The following WWOX variants were observed in gnomAD, a reference collection of about 807,000 sequenced individuals.
The protein encoded by WWOX is WW domain-containing oxidoreductase.
In WWOX, 69 loss-of-function variants were observed where a neutral mutation model predicts 46.2. The ratio of observed to expected loss-of-function variants is 1.49; its 90% CI spans 1.23 to 1.82. WWOX has a LOEUF of 1.82. WWOX is among the 40% of genes most tolerant of loss of function. The pLI is 0.00. For missense variants in WWOX, 919 were observed against 542.6 expected (o/e 1.69, Z -6.89); for synonymous variants, 359 against 202.6 (o/e 1.77, Z -6.56).
At chr16:78,106,012 G>C (rs1361405584) in intron 1 of WWOX, among the ~76,000 whole-genome samples, 3 of 152,096 alleles carry the variant, frequency 2.0e-5, no homozygotes, top group Non-Finnish European at 4.4e-5. Flanking sequence ...ATGTTGCCTA[G>C]GCTGGTCTCG....
At chr16:79,137,880 A>C (rs890092891) in intron 8 of WWOX, among the ~76,000 whole-genome samples, 27 of 152,176 alleles carry the variant, frequency 1.8e-4, no homozygotes, top group African/African-American at 6.0e-4. Context: ...ACACAAGACC[A>C]AAGTTAGGGG....
intron 5 of WWOX, among the ~76,000 whole-genome samples, chr16:78,381,471 G>A (rs1378549287): frequency 1.3e-5 from 2 of 152,224 alleles, no homozygotes; most frequent in Admixed American, 1.3e-4. Context: ...TGGATGTTGG[G>A]AGCAAGTGGG....
At chr16:78,952,926 T>G (rs374131712) in intron 8 of WWOX, among the ~76,000 whole-genome samples, 1 of 152,132 alleles carries the variant, frequency 6.6e-6, no homozygotes, top group South Asian at 2.1e-4. Context: ...AACCTGAAGC[T>G]GGCTCAGAAG....
rs151016748 is a variant in WWOX at position 78,482,598 on chromosome 16, A to G, written c.1056+49846A>G. Among the ~76,000 whole-genome samples the G allele has an allele frequency of 4.7e-3, 718 of 152,268 alleles. 5 individuals are homozygous for G. The highest frequency in any genetic ancestry group is 0.01 in the Middle Eastern group (3 of 294). On this transcript the variant is annotated intron_variant, in intron 8 of 8. Coordinates refer to ENST00000566780, the MANE Select transcript of WWOX (RefSeq NM_016373.4). The stretch of plus-strand genomic sequence containing the variant: ...CTGGGCCCTGTGCTAAGTGCTTTGC[A>G]TGTGATTTCTAATTTCCTGACCATT...
chr16:78,862,683 G>A (rs1458027754), intron 8 of WWOX, among the ~76,000 whole-genome samples: 2 of 152,098 alleles, frequency 1.3e-5, no homozygotes, highest in South Asian at 2.1e-4. Flanking sequence ...CTGAGTCCAA[G>A]GGCAGGAGAA....
At chr16:78,611,894 G>T (rs1179773913) in intron 8 of WWOX, among the ~76,000 whole-genome samples, 1 of 152,184 alleles carries the variant, frequency 6.6e-6, no homozygotes, top group Non-Finnish European at 1.5e-5. Context: ...CATTCCATTG[G>T]CTGAAGCAAA....
At chr16:78,353,780 G>A (rs950288379) in intron 5 of WWOX, among the ~76,000 whole-genome samples, 1 of 57,342 alleles carries the variant, frequency 1.7e-5, no homozygotes, top group Non-Finnish European at 5.7e-5. Context: ...ATCACCTGCA[G>A]GCAGGATCTG....
At chr16:78,556,408 T>G (rs1407346946) in intron 8 of WWOX, among the ~76,000 whole-genome samples, 1 of 152,164 alleles carries the variant, frequency 6.6e-6, no homozygotes, top group East Asian at 1.9e-4. Flanking sequence ...AGCAGAGTTC[T>G]TCTGGTCTCA....
chr16:79,096,331 T>C (rs1397761578), intron 8 of WWOX, among the ~76,000 whole-genome samples: 1 of 152,164 alleles, frequency 6.6e-6, no homozygotes, highest in Non-Finnish European at 1.5e-5. Context: ...GTGCAAGCCA[T>C]GCTCTCGAGC....
intron 8 of WWOX, among the ~76,000 whole-genome samples, chr16:78,512,015 G>A (rs1335135852): frequency 6.6e-6 from 1 of 152,070 alleles, no homozygotes; most frequent in Non-Finnish European, 1.5e-5. Flanking sequence ...AAACTTGCTG[G>A]GCATCAGAAA....
chr16:78,186,518 C>G (rs564114248), intron 5 of WWOX, among the ~76,000 whole-genome samples: 2 of 152,210 alleles, frequency 1.3e-5, no homozygotes, highest in Non-Finnish European at 2.9e-5. Flanking sequence ...AATGTCAGCA[C>G]TTTGGGAGGC....
chr16:78,495,425 G>A (rs892091719), intron 8 of WWOX, among the ~76,000 whole-genome samples: 10 of 151,610 alleles, frequency 6.6e-5, no homozygotes, highest in Non-Finnish European at 8.8e-5. Context: ...ACAGGCGTGA[G>A]CCACTGCACC....
At chr16:78,532,506 C>T (rs1044080937) in intron 8 of WWOX, among the ~76,000 whole-genome samples, 1 of 152,138 alleles carries the variant, frequency 6.6e-6, no homozygotes, top group African/African-American at 2.4e-5. Context: ...TGATAAGAAA[C>T]AGCAGGCATA....
chr16:79,090,213 G>C (rs2048929821), intron 8 of WWOX: 1 of 152,296 alleles, frequency 6.6e-6, no homozygotes, highest in African/African-American at 2.4e-5. Context: ...TGGTGGGTCT[G>C]AGTGGGCCAG....
At chr16:79,086,108 C>G (rs1026632662) in intron 8 of WWOX, among the ~76,000 whole-genome samples, 2 of 151,582 alleles carry the variant, frequency 1.3e-5, no homozygotes, top group African/African-American at 4.8e-5. Flanking sequence ...AGAAAGAAAA[C>G]AAACTAACAG....
intron 5 of WWOX, among the ~76,000 whole-genome samples, chr16:78,229,947 A>G (rs1040918869): frequency 6.6e-6 from 1 of 151,904 alleles, no homozygotes; most frequent in Non-Finnish European, 1.5e-5. Context: ...TGGCATGACC[A>G]TGGCTCACTG....
intron 8 of WWOX, among the ~76,000 whole-genome samples, chr16:78,962,194 C>T (rs971686061): frequency 2.6e-5 from 4 of 151,624 alleles, no homozygotes; most frequent in African/African-American, 9.7e-5. Flanking sequence ...GACAGCCACC[C>T]TGTGGATGAC....
intron 5 of WWOX, among the ~76,000 whole-genome samples, chr16:78,221,221 A>G (rs1418079946): frequency 1.4e-4 from 22 of 152,306 alleles, no homozygotes; most frequent in Admixed American, 1.4e-3. Context: ...GGAAAGTTAG[A>G]GATTAAAAGG....
At chr16:78,494,278 C>A (rs563833535) in intron 8 of WWOX, among the ~76,000 whole-genome samples, 20 of 152,218 alleles carry the variant, frequency 1.3e-4, no homozygotes, top group African/African-American at 4.8e-4. Flanking sequence ...ACAGATTAGC[C>A]CCCTATGCAG....
Sources: gnomAD v4.1 joint callset for allele counts (sites outside exome capture counted in the v4.1 genomes callset) on GRCh38, gnomAD v4.1.1 for gene constraint, MANE v1.5 for transcripts, NCBI Gene and HGNC (gene_info 2026-07-23, HGNC 2026-07-21) for gene names.